The following RNPS1 variants were observed in gnomAD, a reference collection of about 807,000 sequenced individuals.
The protein encoded by RNPS1 is RNA binding protein with serine rich domain 1.
For missense variants in RNPS1, 300 were observed against 427.6 expected, an observed-to-expected ratio of 0.70 and a Z score of 2.63; for synonymous variants, 147 against 150.0, an observed-to-expected ratio of 0.98 and a Z score of 0.15.
At chr16:2,263,656 A>C (rs1179665322) in intron 3 of RNPS1, among the ~76,000 whole-genome samples, 3 of 152,174 alleles carry the variant, frequency 2.0e-5, no homozygotes, top group Admixed American at 1.3e-4. Flanking sequence ...TCTGCCACCC[A>C]AGCTGGAGTG....
At chr16:2,264,960 A>C in intron 1 of RNPS1, 200 bp from the exon 2 acceptor site, 1 of 279,370 alleles carries the variant, frequency 3.6e-6, no homozygotes, top group Non-Finnish European at 6.7e-6. Context: ...CACAGGTACA[A>C]CTGTCGCCCC....
rs775522492 is a variant in RNPS1 at position 2,263,174 on chromosome 16, C to G, written c.341G>C (p.Ser114Thr). ...GCCAGAAGAGCTGCTAGAGCTGGAGCTGCGGGAGGTGCTGGAGCTTCCTGA... is the reference window on the plus strand; with the variant it reads ...GCCAGAAGAGCTGCTAGAGCTGGAGGTGCGGGAGGTGCTGGAGCTTCCTGA... ...SRSGSSSTSRSSSSSSSSGSP... is the reference protein window; with the variant it reads ...SRSGSSSTSRTSSSSSSSGSP... The change falls in exon 4 of 8, where the codon AGC (serine) becomes ACC (threonine). Residue 114 changes from serine to threonine, a missense_variant. Transcript: ENST00000320225. 1.9e-5 allele frequency: 30 copies of G among 1,613,776 alleles called. No individual in the cohort carries two copies. The East Asian group carries it at 4.0e-4, about 22-fold the overall frequency.
chr16:2,259,186 T>A (rs748126337), intron 6 of RNPS1, among the ~76,000 whole-genome samples: 1 of 151,616 alleles, frequency 6.6e-6, no homozygotes, highest in Non-Finnish European at 1.5e-5. Flanking sequence ...AAAGTGAAAT[T>A]TGGCTTATTT....
intron 1 of RNPS1, chr16:2,267,346 T>A (rs2093629009): frequency 1.0e-6 from 1 of 984,818 alleles, no homozygotes; most frequent in South Asian, 4.7e-5. Flanking sequence ...CAGGCACAGT[T>A]CATGCGGAAT....
intron 1 of RNPS1, chr16:2,267,287 C>G: frequency 1.0e-6 from 1 of 983,890 alleles, no homozygotes; most frequent in Non-Finnish European, 1.2e-6. Context: ...GAGGAGAGGG[C>G]GTTTCGGCAC....
intron 1 of RNPS1, chr16:2,267,673 T>C (rs1179388738): frequency 3.5e-6 from 4 of 1,147,034 alleles, no homozygotes; most frequent in Non-Finnish European, 4.3e-6. Context: ...AACTCCCCCG[T>C]CCAGGCGCCG....
At chr16:2,254,896 C>G (rs1481183052) in intron 7 of RNPS1, among the ~76,000 whole-genome samples, 1 of 151,954 alleles carries the variant, frequency 6.6e-6, no homozygotes, top group Non-Finnish European at 1.5e-5. Context: ...CACCCACCAC[C>G]ACGCCCGGCT....
rs2093574550 is a variant in RNPS1 at position 2,255,608 on chromosome 16, C to T, written c.795G>A (p.Arg265=). 1 of 1,600,452 alleles carries T rather than the reference C, an allele frequency of 6.2e-7. No homozygotes were observed. The highest frequency in any genetic ancestry group is 2.2e-5 in the East Asian group (1 of 44,802). The change falls in exon 7 of 8, where the codon AGG becomes AGA. Residue 265 remains arginine, a synonymous_variant. Coordinates refer to ENST00000320225, the MANE Select transcript of RNPS1 (RefSeq NM_080594.4). The part of the protein sequence containing the change: ...RMLPPPPMWR[R]SPPRMRRRSR... The stretch of plus-strand genomic sequence containing the variant: ...ACCTTCTCCTCATCCGTGGGGGAGA[C>T]CTGCGCCACATAGGCGGTGGTGGCA...
intron 1 of RNPS1, 139 bp from the exon 2 acceptor site, chr16:2,264,899 T>C (rs889263793): frequency 2.4e-5 from 14 of 585,102 alleles, no homozygotes; most frequent in East Asian, 7.3e-5. Flanking sequence ...CAGGAACACA[T>C]AGGGACAGTC....
chr16:2,264,067 A>C, intron 3 of RNPS1, 109 bp downstream of exon 3: 1 of 1,335,516 alleles, frequency 7.5e-7, no homozygotes, highest in South Asian at 1.3e-5. Context: ...ACTAACAATC[A>C]GAGGATGTGT....
chr16:2,264,852 G>C, intron 1 of RNPS1, 92 bp from the exon 2 acceptor site: 1 of 1,058,780 alleles, frequency 9.4e-7, no homozygotes, highest in East Asian at 2.8e-5. Context: ...CAAAAAGGCA[G>C]CAAGGGAGCA....
chr16:2,260,782 G>A (rs2141564878), intron 6 of RNPS1, among the ~76,000 whole-genome samples: 1 of 152,318 alleles, frequency 6.6e-6, no homozygotes, highest in Admixed American at 6.5e-5. Flanking sequence ...AACCAGTCTT[G>A]TCTTTTAATA....
chr16:2,266,463 TGA>T (rs1409518913), intron 1 of RNPS1: 1 of 959,308 alleles, frequency 1.0e-6, no homozygotes, highest in Non-Finnish European at 1.2e-6. Flanking sequence ...TTTTACTGTG[TGA>T]TTTTAGACAA....
intron 6 of RNPS1, chr16:2,257,560 C>T (rs577235302): frequency 3.3e-5 from 5 of 152,240 alleles, no homozygotes; most frequent in Admixed American, 6.5e-5. Context: ...CAGAATCTTA[C>T]GAAAAGTTGG....
chr16:2,259,171 A>C (rs1477418310), intron 6 of RNPS1, among the ~76,000 whole-genome samples: 1 of 151,660 alleles, frequency 6.6e-6, no homozygotes, highest in African/African-American at 2.4e-5. Context: ...CAGCACACTG[A>C]TGTAAAAGTG....
intron 1 of RNPS1, chr16:2,266,369 T>C: frequency 1.0e-6 from 1 of 985,364 alleles, no homozygotes. Context: ...GCCTCGACAC[T>C]CTTTGTGTCC....
chr16:2,266,830 CAT>C (rs1358981532), intron 1 of RNPS1: 1 of 503,098 alleles, frequency 2.0e-6, no homozygotes, highest in Non-Finnish European at 2.6e-6. Flanking sequence ...ATCTTTCCAA[CAT>C]ATAATCAACA....
Position 2,264,223 on chromosome 16 carries a change from G to A in RNPS1, c.180C>T (p.Asp60=). 1 of 1,614,038 alleles carries A rather than the reference G, an allele frequency of 6.2e-7. No individual in the cohort carries two copies. The highest frequency in any genetic ancestry group is 2.2e-5 in the East Asian group (1 of 44,884). The part of the protein sequence containing the change: ...KESSEKDRGR[D]KTRKRRSASS... Reference sequence around the variant, plus strand: ...AAGCGCTGCGCCTCTTTCGGGTTTTGTCCCGGCCGCGATCCTTCTCACTCG... The same window carrying A: ...AAGCGCTGCGCCTCTTTCGGGTTTTATCCCGGCCGCGATCCTTCTCACTCG... The change falls in exon 3 of 8, where the codon GAC becomes GAT. Residue 60 remains aspartate (D), a synonymous_variant. Transcript: ENST00000320225.
At chr16:2,264,129 T>A in intron 3 of RNPS1, 47 bp downstream of exon 3, 1 of 1,606,332 alleles carries the variant, frequency 6.2e-7, no homozygotes, top group Non-Finnish European at 8.5e-7. Flanking sequence ...AGTGGGGGTG[T>A]AGCTGTGGCA....
Sources: allele counts gnomAD v4.1 joint callset (sites outside exome capture counted in the v4.1 genomes callset), GRCh38; gene constraint gnomAD v4.1.1; transcripts MANE v1.5; gene names NCBI Gene and HGNC (gene_info 2026-07-23, HGNC 2026-07-21).